Variants in PARK7 observed in about 807,000 individuals in gnomAD.
PARK7 encodes the protein Parkinson disease protein 7.
PARK7 carries 14 observed loss-of-function variants against 20.5 expected under a neutral mutation model. The ratio of observed to expected loss-of-function variants is 0.68; its 90% CI spans 0.45 to 1.07. The LOEUF is 1.07. Ranked by LOEUF, PARK7 falls within the 50% of genes least tolerant of loss-of-function variation. The pLI is 0.00. For synonymous variants in PARK7, 98 were observed against 84.3 expected (o/e 1.16, Z -0.89); for missense variants, 234 against 238.1 (o/e 0.98, Z 0.11).
At chr1:7,966,209 C>T (rs113719871) in intron 3 of PARK7, among the ~76,000 whole-genome samples, 3 of 152,108 alleles carry the variant, frequency 2.0e-5, no homozygotes, top group African/African-American at 7.2e-5. Flanking sequence ...GAGGCAGAGT[C>T]GGCTCACAGA....
chr1:7,967,505 G>T (rs1413172586), intron 3 of PARK7, among the ~76,000 whole-genome samples: 1 of 152,118 alleles, frequency 6.6e-6, no homozygotes, highest in Admixed American at 6.5e-5. Flanking sequence ...CCTTTTGTGT[G>T]TTTTTATTTT....
At chr1:7,970,217 A>G (rs1250080009) in intron 4 of PARK7, among the ~76,000 whole-genome samples, 6 of 152,142 alleles carry the variant, frequency 3.9e-5, no homozygotes, top group Non-Finnish European at 7.4e-5. Context: ...AAATGTTGCC[A>G]TGGAAGTAAG....
intron 6 of PARK7, among the ~76,000 whole-genome samples, chr1:7,982,676 G>A (rs161801): frequency 0.35 from 52,973 of 151,998 alleles, 9,813 homozygotes; most frequent in Non-Finnish European, 0.41. Flanking sequence ...TCTCACTGTC[G>A]CTCTGGAAGA....
chr1:7,982,467 T>C (rs1640733029), intron 6 of PARK7, among the ~76,000 whole-genome samples: 1 of 152,222 alleles, frequency 6.6e-6, no homozygotes. Flanking sequence ...GGGGTGCATG[T>C]TCTGTCTTCG....
intron 1 of PARK7, 107 bp downstream of exon 1, chr1:7,961,900 G>A (rs1426592539): frequency 6.7e-6 from 1 of 149,616 alleles, no homozygotes; most frequent in Non-Finnish European, 1.5e-5. Flanking sequence ...GCTCAGAACC[G>A]GCGCGGGGCC....
rs1200916377 is a variant in PARK7, at chr1:7,984,130, G to A, written c.410-764G>A. 6.6e-6 allele frequency among the ~76,000 whole-genome samples: 1 copy of A among 152,140 alleles called. No homozygotes were observed. The highest frequency in any genetic ancestry group is 2.4e-5 in the African/African-American group (1 of 41,418). ...AAGAGCTGGTCTCTGGGTGGAGGGA[G>A]CAGCCCTTGAGCTCTTCCTGGAGCA... is the stretch of plus-strand genomic sequence containing the variant. On this transcript the variant is annotated intron_variant, in intron 6 of 6. Transcript: ENST00000338639. The surrounding 1 kb of genome is among the most constrained non-coding windows in gnomAD (Gnocchi z 4.3).
chr1:7,965,957 G>A (rs1224484576), intron 3 of PARK7, among the ~76,000 whole-genome samples: 5 of 152,182 alleles, frequency 3.3e-5, no homozygotes, highest in African/African-American at 1.2e-4. Context: ...CTACAGGCAT[G>A]TGCCATGCCC....
chr1:7,970,900 G>A lies in PARK7; in HGVS notation c.259G>A (p.Ala87Thr). 1 of 1,614,190 alleles carries A rather than the reference G, an allele frequency of 6.2e-7. No individual in the cohort carries two copies. Among genetic ancestry groups the A allele is most frequent in the Non-Finnish European group, 8.5e-7 (1 of 1,180,030 alleles). ...TTGGTTTTCTTTTCACTAGTCTGCTGCTGTGAAGGAGATACTGAAGGAGCA... is the reference window on the plus strand; with the variant it reads ...TTGGTTTTCTTTTCACTAGTCTGCTACTGTGAAGGAGATACTGAAGGAGCA... The part of the protein sequence containing the change: ...LGAQNLSESA[A>T]VKEILKEQEN... The change falls in exon 5 of 7, where the codon GCT becomes ACT. Residue 87 changes from alanine (A) to threonine (T), a missense_variant. Physicochemically the swap from Ala to Thr is moderately conservative, Grantham distance 58. Coordinates refer to ENST00000338639, the MANE Select transcript of PARK7 (RefSeq NM_007262.5).
rs181969177 is a variant in PARK7, at chr1:7,976,626, C to T, written c.323-1026C>T. The stretch of plus-strand genomic sequence containing the variant: ...TTCCAGGCACTTCACAGGCTATCTC[C>T]TTCAAGGACAGTGTGCTGTCCATTT... On this transcript the variant is annotated intron_variant, in intron 5 of 6. Coordinates refer to ENST00000338639, the MANE Select transcript of PARK7 (RefSeq NM_007262.5). Among the ~76,000 whole-genome samples the T allele has an allele frequency of 4.3e-3, 651 of 152,328 alleles. 5 individuals carry two copies. Among genetic ancestry groups the T allele is most frequent in the African/African-American group, 0.015 (610 of 41,584 alleles).
At chr1:7,969,243 G>C in intron 3 of PARK7, 102 bp from the exon 4 acceptor site, 2 of 922,256 alleles carry the variant, frequency 2.2e-6, no homozygotes, top group South Asian at 3.0e-5. Flanking sequence ...GCTATCTCCT[G>C]TACTTCCCAC....
chr1:7,973,202 G>T (rs1020283084), intron 5 of PARK7, among the ~76,000 whole-genome samples: 1 of 152,222 alleles, frequency 6.6e-6, no homozygotes, highest in African/African-American at 2.4e-5. Context: ...TTGTACGTGG[G>T]CTTACTACAA....
At chr1:7,980,368 G>A (rs1192466147) in intron 6 of PARK7, among the ~76,000 whole-genome samples, 1 of 152,136 alleles carries the variant, frequency 6.6e-6, no homozygotes, top group Non-Finnish European at 1.5e-5. Context: ...TGTGCCTGTT[G>A]CATCTGTTTT....
Position 7,984,489 on chromosome 1 carries a change from G to A in PARK7, c.410-405G>A, listed in dbSNP as rs1458594912. On this transcript the variant is annotated intron_variant, in intron 6 of 6. Transcript: ENST00000338639. The surrounding 1 kb of genome is among the most constrained non-coding windows in gnomAD (Gnocchi z 4.3). ...GTTTTTGAGGCATCAGAGGGTGTGC[G>A]TGCCGCCACATGTTGATTGGGGTGG... Among the ~76,000 whole-genome samples, 1 of 152,178 alleles carries A rather than the reference G, an allele frequency of 6.6e-6. No individual in the cohort carries two copies. The highest frequency in any genetic ancestry group is 1.9e-4 in the East Asian group (1 of 5,198).
At chr1:7,963,142 C>T (rs987222865) in intron 2 of PARK7, among the ~76,000 whole-genome samples, 6 of 152,104 alleles carry the variant, frequency 3.9e-5, no homozygotes, top group Non-Finnish European at 7.3e-5. Context: ...TGGCTCATTT[C>T]GGTCTCTGCC....
chr1:7,979,387 ACAT>A (rs1264044288), intron 6 of PARK7, among the ~76,000 whole-genome samples: 1 of 152,096 alleles, frequency 6.6e-6, no homozygotes, highest in Non-Finnish European at 1.5e-5. Context: ...CCACATTGAC[ACAT>A]CATCATCCAG....
intron 6 of PARK7, among the ~76,000 whole-genome samples, chr1:7,983,201 G>A (rs552613495): frequency 6.6e-6 from 1 of 152,362 alleles, no homozygotes; most frequent in South Asian, 2.1e-4. Context: ...AACAGAAGAA[G>A]GAAGAAGAGA....
At position 7,970,936 on chromosome 1, in the gene PARK7, A is replaced by G; in HGVS notation, c.295A>G (p.Lys99Glu). ...GATACTGAAGGAGCAGGAAAACCGG[A>G]AGGGCCTGATAGCCGCCATCTGTGC... ...KEILKEQENRKGLIAAICAGP... is the reference protein window; with the variant it reads ...KEILKEQENREGLIAAICAGP... The change falls in exon 5 of 7, where the codon AAG (lysine) becomes GAG (glutamate). Residue 99 changes from lysine to glutamate, a missense_variant. Lys to Glu is a moderately conservative substitution (Grantham distance 56). Transcript: ENST00000338639. 1 of 1,614,190 alleles carries G rather than the reference A, an allele frequency of 6.2e-7. No individual in the cohort carries two copies. The highest frequency in any genetic ancestry group is 2.2e-5 in the East Asian group (1 of 44,884).
chr1:7,973,252 TA>T (rs763427482), intron 5 of PARK7, among the ~76,000 whole-genome samples: 3 of 152,168 alleles, frequency 2.0e-5, no homozygotes, highest in Non-Finnish European at 4.4e-5. Flanking sequence ...GAGGCTCAGG[TA>T]ATTATCTCTG....
chr1:7,977,838 C>A, intron 6 of PARK7, 100 bp downstream of exon 6: 1 of 963,678 alleles, frequency 1.0e-6, no homozygotes, highest in Non-Finnish European at 1.6e-6. Flanking sequence ...TGGCTTACTG[C>A]AATCCCTGCC....
Sources: gnomAD v4.1 joint callset for allele counts (sites outside exome capture counted in the v4.1 genomes callset) on GRCh38, gnomAD v4.1.1 for gene constraint, Gnocchi (gnomAD v3.1) non-coding constraint, MANE v1.5 for transcripts, NCBI Gene and HGNC (gene_info 2026-07-23, HGNC 2026-07-21) for gene names.